The following NAA16 variants were observed in gnomAD, a reference collection of about 807,000 sequenced individuals.
NAA16 encodes N-alpha-acetyltransferase 16, NatA auxiliary subunit, also known as NARG1-like protein.
A neutral mutation model predicts 110.3 loss-of-function variants in NAA16; 97 were observed. The observed-to-expected ratio is 0.88, with a 90% confidence interval of 0.75 to 1.04. The LOEUF is 1.04. NAA16 is among the 50% of genes least tolerant of loss of function. NAA16 has a pLI of 0.00. For synonymous variants in NAA16, 372 were observed against 330.6 expected (o/e 1.13, Z -1.36); for missense variants, 1,017 against 1,005.1 (o/e 1.01, Z -0.16).
intron 5 of NAA16, among the ~76,000 whole-genome samples, chr13:41,324,692 TC>T (rs1320360053): frequency 1.3e-5 from 2 of 151,524 alleles, no homozygotes; most frequent in African/African-American, 2.4e-5. Flanking sequence ...TTTTTTTTTT[TC>T]CTTTACTTTT....
At chr13:41,324,461 C>T (rs549500954) in intron 5 of NAA16, among the ~76,000 whole-genome samples, 2 of 148,532 alleles carry the variant, frequency 1.3e-5, no homozygotes, top group African/African-American at 2.5e-5. Context: ...CTGCAACCTC[C>T]GCCTACCAGG....
At chr13:41,318,143 G>A (rs2041854690) in intron 2 of NAA16, among the ~76,000 whole-genome samples, 2 of 151,928 alleles carry the variant, frequency 1.3e-5, no homozygotes, top group African/African-American at 2.4e-5. Context: ...ATTGACCTTA[G>A]GTAAGAGCTG....
At chr13:41,313,815 C>G (rs2041726800) in intron 1 of NAA16, among the ~76,000 whole-genome samples, 1 of 151,116 alleles carries the variant, frequency 6.6e-6, no homozygotes, top group African/African-American at 2.4e-5. Context: ...AGACTAGAAT[C>G]TATCATTTCT....
At chr13:41,311,659 G>A in intron 1 of NAA16, 77 bp downstream of exon 1, 2 of 1,373,486 alleles carry the variant, frequency 1.5e-6, no homozygotes, top group South Asian at 1.3e-5. Context: ...TCTGGCGGCG[G>A]CCGGCGCGGG....
intron 8 of NAA16, among the ~76,000 whole-genome samples, chr13:41,334,206 G>T (rs2042316526): frequency 6.6e-6 from 1 of 152,076 alleles, no homozygotes. Flanking sequence ...AGAATGCAAG[G>T]TGAAAGTTTT....
At chr13:41,347,253 C>T (rs867913691) in intron 9 of NAA16, among the ~76,000 whole-genome samples, 1 of 149,502 alleles carries the variant, frequency 6.7e-6, no homozygotes, top group Non-Finnish European at 1.5e-5. Flanking sequence ...AAAAAGAAAT[C>T]AGGAAGTGTG....
chr13:41,326,661 G>T lies in NAA16; in HGVS notation c.691+810G>T, dbSNP rs529435530. ...GTCATCCAGCTTTTTAAGTGGTAGA[G>T]TTATAGTTTCCAAGCACATCAACAC... On this transcript the variant is annotated intron_variant, in intron 6 of 19. Transcript: ENST00000379406. Among the ~76,000 whole-genome samples the T allele has an allele frequency of 1.6e-4, 25 of 152,252 alleles. No individual in the cohort carries two copies. The South Asian group carries it at 1.9e-3, about 11-fold the overall frequency.
chr13:41,370,590 C>G (rs988963417), intron 15 of NAA16, among the ~76,000 whole-genome samples: 4 of 152,276 alleles, frequency 2.6e-5, no homozygotes, highest in Non-Finnish European at 5.9e-5. Flanking sequence ...AGTGAGAAAC[C>G]TTTTTCTGGA....
At chr13:41,314,853 C>T (rs1481427354) in intron 1 of NAA16, among the ~76,000 whole-genome samples, 1 of 152,042 alleles carries the variant, frequency 6.6e-6, no homozygotes, top group Non-Finnish European at 1.5e-5. Flanking sequence ...AAAATTTAGC[C>T]AGGCATGATG....
chr13:41,327,861 C>T (rs2042133660), intron 6 of NAA16: 1 of 151,676 alleles, frequency 6.6e-6, no homozygotes, highest in African/African-American at 2.4e-5. Context: ...ATTCCTAGTT[C>T]AGTCTTATTC....
rs912632322 is a variant in NAA16 at position 41,311,305 on chromosome 13, A to G, written c.-224A>G. 1.1e-4 allele frequency: 60 copies of G among 544,280 alleles called. No homozygotes were observed. The highest frequency in any genetic ancestry group is 2.2e-5 in the Non-Finnish European group (7 of 312,026). The allele number at this position is 544,280 out of a possible 1,614,324, so 33.7% of individuals were successfully genotyped here. ...ACCGCCGCCGCCGCCGCTGGCCAAA[A>G]AGCGGAGCCCAGGGGAAGCGTGTCC... On this transcript the variant is annotated 5_prime_UTR_variant, in exon 1 of 20. Coordinates refer to ENST00000379406, the MANE Select transcript of NAA16 (RefSeq NM_024561.5).
chr13:41,321,633 C>T (rs1329873316), intron 4 of NAA16, among the ~76,000 whole-genome samples: 1 of 152,114 alleles, frequency 6.6e-6, no homozygotes, highest in Non-Finnish European at 1.5e-5. Context: ...ATTTTAAAAA[C>T]GTGAGAAGGG....
intron 9 of NAA16, among the ~76,000 whole-genome samples, chr13:41,346,765 G>C (rs1754821216): frequency 6.6e-6 from 1 of 152,104 alleles, no homozygotes. Flanking sequence ...TGGGCCCTTT[G>C]TTATCTTTAA....
chr13:41,348,108 T>A (rs570119004), intron 9 of NAA16, among the ~76,000 whole-genome samples: 231 of 152,216 alleles, frequency 1.5e-3, no homozygotes, highest in African/African-American at 5.0e-3. Flanking sequence ...AGGTTTTTTT[T>A]TAAAAAAAAT....
chr13:41,360,557 C>G (rs2043091571), intron 12 of NAA16, among the ~76,000 whole-genome samples: 2 of 152,138 alleles, frequency 1.3e-5, no homozygotes, highest in Non-Finnish European at 2.9e-5. Flanking sequence ...ATCTGTGGCT[C>G]AGCTTGCTCA....
Position 41,331,732 on chromosome 13 carries a change from A to T in NAA16, c.907+363A>T, listed in dbSNP as rs1310841058. Among the ~76,000 whole-genome samples, 3 of 151,992 alleles carry T rather than the reference A, an allele frequency of 2.0e-5. No homozygotes were observed. In the East Asian group the frequency reaches 5.8e-4, roughly 29 times the overall value. ...AAGGAATAAGTTTCAGTGTTTGCAG[A>T]GTAAGGGGACTGTAGTTAACAACAA... On this transcript the variant is annotated intron_variant, in intron 8 of 19. Transcript: ENST00000379406.
chr13:41,319,132 T>G (rs1391613555), intron 3 of NAA16, among the ~76,000 whole-genome samples: 1 of 152,170 alleles, frequency 6.6e-6, no homozygotes, highest in Non-Finnish European at 1.5e-5. Context: ...CCCTACCCCG[T>G]GTTTATTTAT....
chr13:41,341,049 G>A (rs1005667591), intron 9 of NAA16, among the ~76,000 whole-genome samples: 3 of 152,062 alleles, frequency 2.0e-5, no homozygotes, highest in Non-Finnish European at 4.4e-5. Context: ...TTTCTTTTAC[G>A]AAATGCTGAA....
intron 6 of NAA16, among the ~76,000 whole-genome samples, chr13:41,326,146 T>C (rs1023229087): frequency 2.0e-5 from 3 of 152,198 alleles, no homozygotes; most frequent in Non-Finnish European, 4.4e-5. Flanking sequence ...TATATTACAC[T>C]GCCTTCATAT....
Sources: allele counts gnomAD v4.1 joint callset (sites outside exome capture counted in the v4.1 genomes callset), GRCh38; gene constraint gnomAD v4.1.1; transcripts MANE v1.5; gene names NCBI Gene and HGNC (gene_info 2026-07-23, HGNC 2026-07-21).